Variants in XPR1 observed in about 807,000 individuals in gnomAD.
The protein encoded by XPR1 is xenotropic and polytropic retrovirus receptor 1, also known as solute carrier family 53 member 1.
Under a neutral mutation model 87.5 loss-of-function variants are expected in XPR1, and 28 were observed. The observed-to-expected ratio is 0.32, with a 90% confidence interval of 0.24 to 0.44. The LOEUF is 0.44. Among genes scored for constraint, XPR1 ranks in the 20% least tolerant of loss-of-function variants. The probability of loss-of-function intolerance (pLI) is 1.00; values close to 1 mark genes in which losing one functional copy is unlikely to be tolerated. For missense variants in XPR1, 559 were observed against 862.3 expected, an observed-to-expected ratio of 0.65 and a Z score of 4.41; for synonymous variants, 300 against 306.1, an observed-to-expected ratio of 0.98 and a Z score of 0.21.
chr1:180,746,348 A>AAAGTGAG (rs1647251905), intron 2 of XPR1, among the ~76,000 whole-genome samples: 1 of 152,106 alleles, frequency 6.6e-6, no homozygotes, highest in Admixed American at 6.5e-5. Flanking sequence ...CTTAGCTTCC[A>AAAGTGAG]CTTACAAGTG....
chr1:180,657,322 C>G (rs1655567087), intron 1 of XPR1, among the ~76,000 whole-genome samples: 1 of 152,062 alleles, frequency 6.6e-6, no homozygotes, highest in South Asian at 2.1e-4. Flanking sequence ...GTCCATTTTG[C>G]TTTGGTTGCC....
chr1:180,651,376 G>A (rs1282051776), intron 1 of XPR1, among the ~76,000 whole-genome samples: 2 of 152,184 alleles, frequency 1.3e-5, no homozygotes, highest in African/African-American at 4.8e-5. Context: ...ACAGGTGTGA[G>A]CCACGCACCT....
At chr1:180,656,350 A>C (rs1041829848) in intron 1 of XPR1, among the ~76,000 whole-genome samples, 1 of 108,762 alleles carries the variant, frequency 9.2e-6, no homozygotes, top group Non-Finnish European at 1.7e-5. Flanking sequence ...TTATATATTT[A>C]ATATTTATAT....
chr1:180,868,653 C>T (rs1652463951), intron 12 of XPR1, among the ~76,000 whole-genome samples: 2 of 132,088 alleles, frequency 1.5e-5, no homozygotes, highest in Non-Finnish European at 3.1e-5. Flanking sequence ...GTGATTTTTG[C>T]ACATTGATTT....
At chr1:180,745,191 A>T (rs1257709927) in intron 2 of XPR1, among the ~76,000 whole-genome samples, 1 of 152,116 alleles carries the variant, frequency 6.6e-6, no homozygotes, top group Non-Finnish European at 1.5e-5. Context: ...CTCTCTGTGC[A>T]TTCTCCTTGA....
At chr1:180,713,402 G>T (rs12029102) in intron 2 of XPR1, among the ~76,000 whole-genome samples, 8 of 152,218 alleles carry the variant, frequency 5.3e-5, no homozygotes, top group Non-Finnish European at 1.2e-4. Flanking sequence ...GATTCCATCA[G>T]ATTTTCTATA....
At chr1:180,691,684 G>A (rs1263917739) in intron 2 of XPR1, among the ~76,000 whole-genome samples, 1 of 152,130 alleles carries the variant, frequency 6.6e-6, no homozygotes, top group Non-Finnish European at 1.5e-5. Context: ...TGCTTGGTTA[G>A]CAGATGTGTT....
intron 9 of XPR1, among the ~76,000 whole-genome samples, chr1:180,825,560 T>C (rs1045818582): frequency 1.3e-5 from 2 of 152,206 alleles, no homozygotes; most frequent in Admixed American, 1.3e-4. Context: ...TTGTAAATTA[T>C]AAACATTTTT....
At chr1:180,880,472 T>C (rs933706702) in intron 14 of XPR1, among the ~76,000 whole-genome samples, 175 bp downstream of exon 14, 2 of 152,198 alleles carry the variant, frequency 1.3e-5, no homozygotes, top group Non-Finnish European at 2.9e-5. Context: ...CCTATGACTG[T>C]CTAAATGAGC....
intron 1 of XPR1, among the ~76,000 whole-genome samples, chr1:180,643,631 G>A (rs191472818): frequency 3.4e-4 from 52 of 152,276 alleles, no homozygotes; most frequent in African/African-American, 1.1e-3. Flanking sequence ...TAAGAAAATA[G>A]AGTCTCATAT....
chr1:180,719,264 T>TAATTA (rs1658100782), intron 2 of XPR1, among the ~76,000 whole-genome samples: 1 of 152,232 alleles, frequency 6.6e-6, no homozygotes, highest in South Asian at 2.1e-4. Context: ...TGATTATCAG[T>TAATTA]AATTTATTTA....
intron 2 of XPR1, among the ~76,000 whole-genome samples, chr1:180,683,820 T>C (rs12751213): frequency 0.028 from 4,245 of 151,216 alleles, 106 homozygotes; most frequent in Middle Eastern, 0.065. Context: ...GTTGTTTTTT[T>C]CTTGTAAATT....
chr1:180,673,823 G>T (rs1656278565), intron 1 of XPR1, among the ~76,000 whole-genome samples: 1 of 152,206 alleles, frequency 6.6e-6, no homozygotes, highest in Non-Finnish European at 1.5e-5. Flanking sequence ...TGATCTAGAT[G>T]ACCATTTAAT....
chr1:180,774,681 A>G (rs1438969687), intron 2 of XPR1, among the ~76,000 whole-genome samples: 5 of 151,974 alleles, frequency 3.3e-5, no homozygotes, highest in Non-Finnish European at 7.4e-5. Flanking sequence ...TGCTGGGATT[A>G]CAGGTGTCAG....
At chr1:180,650,510 C>T (rs1176465178) in intron 1 of XPR1, among the ~76,000 whole-genome samples, 1 of 152,158 alleles carries the variant, frequency 6.6e-6, no homozygotes, top group Non-Finnish European at 1.5e-5. Context: ...TGCCCTTTAC[C>T]TCTTAAAACC....
intron 2 of XPR1, among the ~76,000 whole-genome samples, chr1:180,685,277 T>G (rs928958777): frequency 6.6e-6 from 1 of 152,098 alleles, no homozygotes; most frequent in African/African-American, 2.4e-5. Flanking sequence ...TGTTTATATG[T>G]TGGATTACAT....
chr1:180,806,324 G>T, intron 5 of XPR1, 113 bp downstream of exon 5: 1 of 1,490,816 alleles, frequency 6.7e-7, no homozygotes, highest in Admixed American at 2.1e-5. Context: ...GAATATATAT[G>T]CCTTACCTGT....
intron 1 of XPR1, among the ~76,000 whole-genome samples, chr1:180,674,917 A>G (rs1656315489): frequency 6.6e-6 from 1 of 152,192 alleles, no homozygotes; most frequent in Admixed American, 6.5e-5. Flanking sequence ...TTGAGATTTC[A>G]TTTCAGCAAA....
chr1:180,712,646 A>T lies in XPR1; in HGVS notation c.121+30235A>T, dbSNP rs537968389. Among the ~76,000 whole-genome samples the T allele has an allele frequency of 2.0e-5, 3 of 152,138 alleles. No homozygotes were observed. In the East Asian group the frequency reaches 5.8e-4, roughly 29 times the overall value. On this transcript the variant is annotated intron_variant, in intron 2 of 14. Coordinates refer to ENST00000367590, the MANE Select transcript of XPR1 (RefSeq NM_004736.4). The stretch of plus-strand genomic sequence containing the variant: ...TATGGTAAAACCCCATCTCTACTAA[A>T]AATACAAAAATCAGCTGGGTGTGGT...
Sources: gnomAD v4.1 joint callset for allele counts (sites outside exome capture counted in the v4.1 genomes callset) on GRCh38, gnomAD v4.1.1 for gene constraint, MANE v1.5 for transcripts, NCBI Gene and HGNC (gene_info 2026-07-23, HGNC 2026-07-21) for gene names.